Variants in FHOD3 observed in about 807,000 individuals in gnomAD.
FHOD3 encodes the protein FH1/FH2 domain-containing protein 3.
FHOD3 carries 90 observed loss-of-function variants against 173.0 expected under a neutral mutation model. The ratio of observed to expected loss-of-function variants is 0.52; its 90% CI spans 0.44 to 0.62. The LOEUF is 0.62. FHOD3 is among the 20% of genes least tolerant of loss of function. The pLI is 0.00. For synonymous variants in FHOD3, 828 were observed against 823.0 expected (o/e 1.01, Z -0.10); for missense variants, 1,945 against 2,034.7 (o/e 0.96, Z 0.85).
chr18:36,519,364 T>A (rs2056155309), intron 5 of FHOD3, among the ~76,000 whole-genome samples: 1 of 152,178 alleles, frequency 6.6e-6, no homozygotes, highest in Non-Finnish European at 1.5e-5. Flanking sequence ...TTAGCTGCCG[T>A]CTCTCTGGTG....
chr18:36,717,918 C>G lies in FHOD3; in HGVS notation c.2620C>G (p.Leu874Val). ...LTNKRFMLDM[L>V]YAHNRKSPDD... ...CAACAAACGGTTCATGCTTGACATG[C>G]TGTATGCCCATAACAGGAAGTCTCC... The change falls in exon 19 of 29, where the codon CTG becomes GTG. Residue 874 changes from leucine to valine, a missense_variant. Around this residue, in one of 5 missense-constraint regions of FHOD3, gnomAD observed 1,099 missense variants for 1,051.2 expected, o/e 1.05. Transcript: ENST00000590592. The G allele has an allele frequency of 1.9e-6, 3 of 1,613,892 alleles. No individual in the cohort carries two copies. Among genetic ancestry groups the G allele is most frequent in the South Asian group, 1.1e-5 (1 of 91,036 alleles).
intron 17 of FHOD3, among the ~76,000 whole-genome samples, chr18:36,698,533 T>G (rs926203143): frequency 6.6e-6 from 1 of 152,098 alleles, no homozygotes; most frequent in East Asian, 1.9e-4. Context: ...AAGGCTGCAG[T>G]GAGCTATGGT....
chr18:36,779,271 G>A, intron 28 of FHOD3, 177 bp from the exon 29 acceptor site: 1 of 594,068 alleles, frequency 1.7e-6, no homozygotes, highest in Non-Finnish European at 3.0e-6. Context: ...TTTTGTCCTG[G>A]CAGACAGACT....
chr18:36,352,644 C>T (rs538404354), intron 1 of FHOD3, among the ~76,000 whole-genome samples: 6 of 152,190 alleles, frequency 3.9e-5, no homozygotes, highest in African/African-American at 1.4e-4. Context: ...ATGACTCAGA[C>T]CTCCTTGAGG....
At chr18:36,432,061 G>T (rs1471477208) in intron 3 of FHOD3, among the ~76,000 whole-genome samples, 7 of 152,132 alleles carry the variant, frequency 4.6e-5, no homozygotes, top group Admixed American at 4.6e-4. Flanking sequence ...AGTAATCATA[G>T]CTTTGTTTGA....
chr18:36,365,505 C>T (rs966388852), intron 2 of FHOD3, among the ~76,000 whole-genome samples: 1 of 152,064 alleles, frequency 6.6e-6, no homozygotes, highest in African/African-American at 2.4e-5. Flanking sequence ...GTGGTTGCCT[C>T]TTGCTGAGTG....
At chr18:36,321,077 T>TTG (rs1195156869) in intron 1 of FHOD3, among the ~76,000 whole-genome samples, 2 of 8,884 alleles carry the variant, frequency 2.3e-4, no homozygotes, top group Non-Finnish European at 5.4e-4. Context: ...TTTCCTGTGA[T>TTG]TTTTTTTTTT....
chr18:36,696,517 G>A (rs563164710), intron 17 of FHOD3, among the ~76,000 whole-genome samples: 5 of 152,192 alleles, frequency 3.3e-5, no homozygotes, highest in Middle Eastern at 3.4e-3. Flanking sequence ...CTTACAAAAC[G>A]TACTTTTTAA....
chr18:36,771,400 A>G (rs987079907), intron 28 of FHOD3, among the ~76,000 whole-genome samples: 2 of 152,208 alleles, frequency 1.3e-5, no homozygotes, highest in Non-Finnish European at 2.9e-5. Flanking sequence ...AGGCTGTGAA[A>G]TAACATTTCC....
chr18:36,370,836 G>A (rs1301264981), intron 2 of FHOD3, among the ~76,000 whole-genome samples: 2 of 152,184 alleles, frequency 1.3e-5, no homozygotes, highest in Non-Finnish European at 2.9e-5. Context: ...CTGATTTTCT[G>A]CTCCTAGCTG....
intron 10 of FHOD3, among the ~76,000 whole-genome samples, chr18:36,629,786 G>A (rs2034378578): frequency 6.6e-6 from 1 of 152,138 alleles, no homozygotes; most frequent in Non-Finnish European, 1.5e-5. Flanking sequence ...ACTATGTGAT[G>A]AGTCCAGGGA....
chr18:36,717,692 TCA>T (rs1432693055), intron 18 of FHOD3, 138 bp from the exon 19 acceptor site: 3 of 1,371,672 alleles, frequency 2.2e-6, no homozygotes, highest in East Asian at 5.2e-5. Flanking sequence ...GAGCGCCTTG[TCA>T]GCCACGGCTT....
At chr18:36,335,319 C>T (rs2045249771) in intron 1 of FHOD3, among the ~76,000 whole-genome samples, 7 of 151,576 alleles carry the variant, frequency 4.6e-5, no homozygotes. Flanking sequence ...CAAGGTGAAA[C>T]CCCGTCTCTA....
chr18:36,684,061 G>A (rs2038437179), intron 15 of FHOD3, among the ~76,000 whole-genome samples: 1 of 152,212 alleles, frequency 6.6e-6, no homozygotes. Flanking sequence ...TACACATGTG[G>A]CTTCAAACCT....
chr18:36,758,190 G>A (rs989581567), intron 25 of FHOD3, among the ~76,000 whole-genome samples: 1 of 152,204 alleles, frequency 6.6e-6, no homozygotes, highest in African/African-American at 2.4e-5. Context: ...CCATTTGGAT[G>A]AGGCAGCGTG....
chr18:36,521,394 T>A (rs552751015), intron 5 of FHOD3, among the ~76,000 whole-genome samples: 53 of 152,106 alleles, frequency 3.5e-4, no homozygotes, highest in Non-Finnish European at 2.9e-4. Flanking sequence ...CCAAAACCCA[T>A]GTTTTTATAC....
At chr18:36,755,088 A>T in intron 24 of FHOD3, 31 bp from the exon 25 acceptor site, 2 of 1,443,132 alleles carry the variant, frequency 1.4e-6, no homozygotes, top group Non-Finnish European at 1.8e-6. Context: ...TTAAAACGGA[A>T]GTCATTGCTA....
chr18:36,573,715 A>G (rs2058543999), intron 5 of FHOD3, among the ~76,000 whole-genome samples: 1 of 152,222 alleles, frequency 6.6e-6, no homozygotes, highest in South Asian at 2.1e-4. Flanking sequence ...TTTTATGAGA[A>G]ACATTTTACA....
rs570482350 is a variant in FHOD3 at position 36,647,479 on chromosome 18, C to G, written c.1197-1837C>G. On this transcript the variant is annotated intron_variant, in intron 10 of 28. Coordinates refer to ENST00000590592, the MANE Select transcript of FHOD3 (RefSeq NM_001281740.3). ...GATCTTGGCAAGAATGTAAAACAAT[C>G]AGAATGCTCATCTACTACTTATGGG... is the stretch of plus-strand genomic sequence containing the variant. Among the ~76,000 whole-genome samples, 24 of 151,892 alleles carry G rather than the reference C, an allele frequency of 1.6e-4. No individual in the cohort carries two copies. The South Asian group carries it at 5.0e-3, about 32-fold the overall frequency.
Sources: gnomAD v4.1 joint callset for allele counts (sites outside exome capture counted in the v4.1 genomes callset) on GRCh38, gnomAD v4.1.1 for gene constraint, gnomAD v4.1.1 regional missense constraint, MANE v1.5 for transcripts, NCBI Gene and HGNC (gene_info 2026-07-23, HGNC 2026-07-21) for gene names.